Variants in GPT2 observed in about 807,000 individuals in gnomAD.
The protein encoded by GPT2 is alanine aminotransferase 2.
GPT2 carries 30 observed loss-of-function variants against 56.9 expected under a neutral mutation model. The observed-to-expected ratio is 0.53, with a 90% CI of 0.39 to 0.72. The LOEUF (loss-of-function observed/expected upper bound fraction) is 0.72. Among genes scored for constraint, GPT2 ranks in the 30% least tolerant of loss-of-function variants. The probability of loss-of-function intolerance (pLI) is 0.00; values close to 1 mark genes in which losing one functional copy is unlikely to be tolerated. For synonymous variants in GPT2, 271 were observed against 283.1 expected (o/e 0.96, Z 0.43); for missense variants, 542 against 703.4 (o/e 0.77, Z 2.60).
At chr16:46,927,714 G>C (rs1278627341) in intron 11 of GPT2, among the ~76,000 whole-genome samples, 2 of 152,124 alleles carry the variant, frequency 1.3e-5, no homozygotes, top group African/African-American at 4.8e-5. Context: ...ACTTAGGCAA[G>C]GTTGTGGGTT....
chr16:46,884,802 C>T lies in GPT2; in HGVS notation c.87C>T (p.Ala29=), dbSNP rs1960449454. The change falls in exon 2 of 12, where the codon GCC becomes GCT. Residue 29 remains alanine, a synonymous_variant. Transcript: ENST00000340124. ...GCCGCAGCCAGAGCAGCGCGGCCGC[C>T]GAGGCCTCGGCGGTGCTCAAGGTGC... ...SWGRSQSSAA[A]EASAVLKVRP... 2 of 1,516,450 alleles carry T rather than the reference C, an allele frequency of 1.3e-6. No individual in the cohort carries two copies. Among genetic ancestry groups the T allele is most frequent in the Admixed American group, 2.1e-5 (1 of 46,980 alleles). The allele number at this position is 1,516,450 out of a possible 1,614,324, so 93.9% of individuals were successfully genotyped here. A position where few individuals can be genotyped will look rare whatever the true frequency, so the allele number is the denominator to read the frequency against.
intron 2 of GPT2, among the ~76,000 whole-genome samples, chr16:46,887,021 C>T (rs909075732): frequency 6.6e-6 from 1 of 152,204 alleles, no homozygotes; most frequent in Non-Finnish European, 1.5e-5. Context: ...ACCCTTCCTT[C>T]TTGGGAGACA....
chr16:46,900,947 C>T (rs970809280), intron 4 of GPT2, among the ~76,000 whole-genome samples, 157 bp downstream of exon 4: 1 of 152,206 alleles, frequency 6.6e-6, no homozygotes, highest in Non-Finnish European at 1.5e-5. Context: ...GTCCTCTTCC[C>T]ACTCACACCT....
In GPT2 at chr16:46,930,976, C is replaced by T. The variant is rs1034373110; in HGVS notation, c.*1979C>T. 1 of 152,606 alleles carries T rather than the reference C, an allele frequency of 6.6e-6. No individual in the cohort carries two copies. The highest frequency in any genetic ancestry group is 2.4e-5 in the African/African-American group (1 of 41,438). The allele number at this position is 152,606 out of a possible 1,614,324, so 9.5% of individuals were successfully genotyped here. ...TCCGGTGCCTTTCCTATCCAGGCAC[C>T]ACCTGAGAAAGTTGTCATTTGAGGT... On this transcript the variant is annotated 3_prime_UTR_variant, in exon 12 of 12. Coordinates refer to ENST00000340124, the MANE Select transcript of GPT2 (RefSeq NM_133443.4).
At position 46,913,105 on chromosome 16, in the gene GPT2, A is replaced by T. The variant is rs542822561; in HGVS notation, c.820+3178A>T. On this transcript the variant is annotated intron_variant, in intron 6 of 11. Coordinates refer to ENST00000340124, the MANE Select transcript of GPT2 (RefSeq NM_133443.4). The stretch of plus-strand genomic sequence containing the variant: ...ATTCCCTTCTCCTGCGCCACTGTTC[A>T]TGCACTTATCTGTTCACTGGCTCAG... Among the ~76,000 whole-genome samples, 13 of 152,242 alleles carry T rather than the reference A, an allele frequency of 8.5e-5. 1 individual carries two copies. The East Asian group carries it at 2.1e-3, about 25-fold the overall frequency.
rs146316651 is a variant in GPT2, at chr16:46,905,431, A to G, written c.443-1411A>G. 2.6e-5 allele frequency among the ~76,000 whole-genome samples: 4 copies of G among 152,308 alleles called. No individual in the cohort carries two copies. The East Asian group carries it at 5.8e-4, about 22-fold the overall frequency. On this transcript the variant is annotated intron_variant, in intron 4 of 11. Transcript: ENST00000340124. ...CTGAGGCCCCAGAGGAGAATCTGCT[A>G]CTTCCAGTCGCCATCCTGCCTCCTG...
intron 2 of GPT2, among the ~76,000 whole-genome samples, chr16:46,886,331 T>C (rs1270586016): frequency 6.6e-6 from 1 of 152,220 alleles, no homozygotes; most frequent in African/African-American, 2.4e-5. Context: ...ACGTTACAGC[T>C]GATTTCTCTG....
intron 2 of GPT2, among the ~76,000 whole-genome samples, chr16:46,894,352 TG>T (rs1288651843): frequency 3.3e-5 from 5 of 152,232 alleles, no homozygotes; most frequent in African/African-American, 4.8e-5. Context: ...AAGAATGGGC[TG>T]TATCCACATC....
Position 46,914,868 on chromosome 16 carries a change from G to C in GPT2, c.821-1760G>C, listed in dbSNP as rs190164038. ...CATCTGCTGCTGGTGTGCAGTAATG[G>C]GGGGGAGGGCACAAGCTGATAGATT... is the stretch of plus-strand genomic sequence containing the variant. On this transcript the variant is annotated intron_variant, in intron 6 of 11. Coordinates refer to ENST00000340124, the MANE Select transcript of GPT2 (RefSeq NM_133443.4). 8.9e-4 allele frequency among the ~76,000 whole-genome samples: 136 copies of C among 152,244 alleles called. 4 individuals carry two copies. The South Asian group carries it at 0.022, about 25-fold the overall frequency.
rs1472229309 is a variant in GPT2 at position 46,884,680 on chromosome 16, T to G, written c.-22-14T>G. ...GTGCGCGACGTGTTTGTTCTTTTTCTCTTTTTGTGCCAGGGTTTCTCTCCG... is the reference window on the plus strand; with the variant it reads ...GTGCGCGACGTGTTTGTTCTTTTTCGCTTTTTGTGCCAGGGTTTCTCTCCG... On this transcript the variant is annotated splice_polypyrimidine_tract_variant and intron_variant, in intron 1 of 11. Coordinates refer to ENST00000340124, the MANE Select transcript of GPT2 (RefSeq NM_133443.4). 1 of 1,366,112 alleles carries G rather than the reference T, an allele frequency of 7.3e-7. No individual in the cohort carries two copies. The highest frequency in any genetic ancestry group is 9.5e-7 in the Non-Finnish European group (1 of 1,057,366). 84.6% of individuals were successfully genotyped at this position (1,366,112 alleles called of 1,614,324 possible).
At chr16:46,906,713 G>C in intron 4 of GPT2, 129 bp from the exon 5 acceptor site, 1 of 1,210,580 alleles carries the variant, frequency 8.3e-7, no homozygotes, top group Admixed American at 2.0e-5. Context: ...CCAAAGCAAT[G>C]GGAGTTGGGC....
In GPT2 at chr16:46,884,723, GGGC is replaced by G; in HGVS notation, c.16_18del (p.Ala6del). 1 of 1,380,004 alleles carries G rather than the reference GGGC, an allele frequency of 7.2e-7. No homozygotes were observed. The highest frequency in any genetic ancestry group is 9.4e-7 in the Non-Finnish European group (1 of 1,065,176). 85.5% of individuals were successfully genotyped at this position (1,380,004 alleles called of 1,614,324 possible). ...TCTCTCCGCAAGCGCGCGATGCAGCGGGCGGCGGCGCTGGTCCGGCGGGGCTGT... is the reference window on the plus strand; with the variant it reads ...TCTCTCCGCAAGCGCGCGATGCAGCGGGCGGCGCTGGTCCGGCGGGGCTGT... On this transcript the variant is annotated inframe_deletion, in exon 2 of 12. Coordinates refer to ENST00000340124, the MANE Select transcript of GPT2 (RefSeq NM_133443.4).
At chr16:46,897,382 A>C (rs1027363956) in intron 2 of GPT2, among the ~76,000 whole-genome samples, 5 of 152,222 alleles carry the variant, frequency 3.3e-5, no homozygotes, top group Admixed American at 3.3e-4. Flanking sequence ...CAAAAAAATA[A>C]AATTATGTGA....
At chr16:46,899,241 C>T (rs1287003829) in intron 3 of GPT2, among the ~76,000 whole-genome samples, 1 of 151,820 alleles carries the variant, frequency 6.6e-6, no homozygotes, top group Non-Finnish European at 1.5e-5. Context: ...GCTGTGTTGC[C>T]CAGGCTGGTC....
At chr16:46,919,279 G>T (rs1345008102) in intron 8 of GPT2, among the ~76,000 whole-genome samples, 8 of 152,218 alleles carry the variant, frequency 5.3e-5, no homozygotes. Context: ...CCCTCCTGCC[G>T]GCACAAAGCG....
At chr16:46,920,160 G>A (rs1362344522) in intron 8 of GPT2, among the ~76,000 whole-genome samples, 2 of 152,216 alleles carry the variant, frequency 1.3e-5, no homozygotes, top group Admixed American at 6.5e-5. Flanking sequence ...AGCTGATGAC[G>A]CCACTGCATG....
Position 46,927,056 on chromosome 16 carries a change from A to C in GPT2, c.1481+19A>C. 6.7e-7 allele frequency: 1 copy of C among 1,485,902 alleles called. No individual in the cohort carries two copies. The highest frequency in any genetic ancestry group is 2.3e-5 in the East Asian group (1 of 43,820). 92.0% of individuals were successfully genotyped at this position (1,485,902 alleles called of 1,614,324 possible). On this transcript the variant is annotated intron_variant, in intron 11 of 11. Coordinates refer to ENST00000340124, the MANE Select transcript of GPT2 (RefSeq NM_133443.4). Reference sequence around the variant, plus strand: ...ACTTCAGGTATGACTTCCTCTCCGCACTAGGGGCTGGTCCGGGTCTTGTCC... The same window carrying C: ...ACTTCAGGTATGACTTCCTCTCCGCCCTAGGGGCTGGTCCGGGTCTTGTCC...
chr16:46,920,351 C>T (rs1027631249), intron 8 of GPT2, among the ~76,000 whole-genome samples: 6 of 152,206 alleles, frequency 3.9e-5, no homozygotes, highest in African/African-American at 1.2e-4. Context: ...GGCAGGCTGA[C>T]CTCTGGTGGG....
At chr16:46,919,309 A>T (rs1275958432) in intron 8 of GPT2, among the ~76,000 whole-genome samples, 1 of 152,132 alleles carries the variant, frequency 6.6e-6, no homozygotes, top group African/African-American at 2.4e-5. Flanking sequence ...GTGAGGGGGG[A>T]GAGCTGTAGG....
Sources: allele counts gnomAD v4.1 joint callset (sites outside exome capture counted in the v4.1 genomes callset), GRCh38; gene constraint gnomAD v4.1.1; transcripts MANE v1.5; gene names NCBI Gene and HGNC (gene_info 2026-07-23, HGNC 2026-07-21).